Variants in NLRC3 observed in about 807,000 individuals in gnomAD.
NLRC3 encodes the protein NLR family CARD domain-containing protein 3.
In NLRC3, 87 loss-of-function variants were observed where a neutral mutation model predicts 91.6. The observed-to-expected ratio is 0.95, with a 90% CI of 0.80 to 1.14. The LOEUF is 1.14. NLRC3 is among the 50% of genes most tolerant of loss of function. The probability of loss-of-function intolerance (pLI) is 0.00; values close to 1 mark genes in which losing one functional copy is unlikely to be tolerated. For synonymous variants in NLRC3, 694 were observed against 625.3 expected (o/e 1.11, Z -1.64); for missense variants, 1,577 against 1,418.6 (o/e 1.11, Z -1.79).
At chr16:3,569,397 A>ATATTTTTTTTTT (rs2040013749) in intron 1 of NLRC3, among the ~76,000 whole-genome samples, 1 of 41,046 alleles carries the variant, frequency 2.4e-5, no homozygotes, top group African/African-American at 1.2e-4. Flanking sequence ...TATATATATT[A>ATATTTTTTTTTT]TTTTTTTTTT....
chr16:3,543,922 G>A, intron 16 of NLRC3: 1 of 353,880 alleles, frequency 2.8e-6, no homozygotes. Flanking sequence ...GGGAGGCTGA[G>A]GTGGGCAGAT....
In NLRC3 at chr16:3,563,789, C is replaced by T; in HGVS notation, c.1148G>A (p.Ser383Asn). The part of the protein sequence containing the change: ...SGEGQEKGKA[S>N]PRIEQVAHGG... ...ATGGGCCACCTGCTCGATGCGAGGG[C>T]TTGCCTTGCCCTTCTCCTGCCCCTC... Residue 383 changes from serine (S) to asparagine (N), a missense_variant, in exon 5 of 20, where the codon AGC becomes AAC. Ser to Asn is a conservative substitution (Grantham distance 46). Coordinates refer to ENST00000359128, the MANE Select transcript of NLRC3 (RefSeq NM_178844.4). 12 of 1,612,238 alleles carry T rather than the reference C, an allele frequency of 7.4e-6. No individual in the cohort carries two copies. Among genetic ancestry groups the T allele is most frequent in the Non-Finnish European group, 8.5e-6 (10 of 1,179,088 alleles).
intron 2 of NLRC3, 89 bp from the exon 3 acceptor site, chr16:3,565,469 CAAAAAAAAAAAAA>C (rs57860901): frequency 2.4e-3 from 106 of 44,836 alleles, no homozygotes; most frequent in South Asian, 0.021. Context: ...TGGGAAAAAG[CAAAAAAAAAAAAA>C]AAAAAAAAAA....
chr16:3,567,548 C>T (rs920368873), intron 1 of NLRC3, among the ~76,000 whole-genome samples: 1 of 151,738 alleles, frequency 6.6e-6, no homozygotes. Flanking sequence ...CTGAGGCAGG[C>T]GGATCACCTG....
In NLRC3 at chr16:3,557,661, C is replaced by G; in HGVS notation, c.2031G>C (p.Gln677His). Reference protein sequence around the residue: ...RIQKISLAENQISNKGAKALA... With the variant: ...RIQKISLAENHISNKGAKALA... ...GAGCTTTGGCCCCTTTGTTACTGATCTGGTTCTCCGCCAAGCTGCCCAAGG... is the reference window on the plus strand; with the variant it reads ...GAGCTTTGGCCCCTTTGTTACTGATGTGGTTCTCCGCCAAGCTGCCCAAGG... The change falls in exon 7 of 20, where the codon CAG becomes CAC. Residue 677 changes from glutamine to histidine, a missense_variant. Physicochemically the swap from Gln to His is conservative, Grantham distance 24. Coordinates refer to ENST00000359128, the MANE Select transcript of NLRC3 (RefSeq NM_178844.4). 1 of 1,613,278 alleles carries G rather than the reference C, an allele frequency of 6.2e-7. No individual in the cohort carries two copies. The highest frequency in any genetic ancestry group is 8.5e-7 in the Non-Finnish European group (1 of 1,179,424).
chr16:3,559,702 A>T (rs2039517608), intron 6 of NLRC3, among the ~76,000 whole-genome samples: 1 of 146,230 alleles, frequency 6.8e-6, no homozygotes, highest in Non-Finnish European at 1.5e-5. Flanking sequence ...GCAGTGGCGC[A>T]ATCTTGGCTC....
At chr16:3,550,608 A>C in intron 10 of NLRC3, 111 bp from the exon 11 acceptor site, 2 of 752,994 alleles carry the variant, frequency 2.7e-6, no homozygotes, top group South Asian at 1.6e-5. Flanking sequence ...CTGTTGTCTC[A>C]AGGGTGGCCA....
chr16:3,543,233 AGAG>A (rs2038501745), intron 17 of NLRC3, 189 bp downstream of exon 17: 1 of 582,692 alleles, frequency 1.7e-6, no homozygotes. Flanking sequence ...GCCAACCCGG[AGAG>A]GAGGGCAAAT....
At chr16:3,557,771 C>G in intron 6 of NLRC3, 95 bp from the exon 7 acceptor site, 1 of 773,648 alleles carries the variant, frequency 1.3e-6, no homozygotes, top group Non-Finnish European at 2.2e-6. Flanking sequence ...CTCTAGGCTC[C>G]CCCACATCAT....
intron 8 of NLRC3, among the ~76,000 whole-genome samples, chr16:3,554,586 A>G (rs985212170): frequency 2.0e-5 from 3 of 152,208 alleles, no homozygotes; most frequent in Non-Finnish European, 4.4e-5. Context: ...AAAGTCATCA[A>G]TTGCCCTCAT....
rs374929504 is a variant in NLRC3 at position 3,543,427 on chromosome 16, G to A, written c.2937C>T (p.Leu979=). ...TAGATGGAGACTGGAATACTTACTC[G>A]AGAATCTCCAAGGTTCTGTTCACAG... The part of the protein sequence containing the change: ...ALAVNRTLEI[L]DLRGNAIGVA... Residue 979 remains leucine, a splice_region_variant and synonymous_variant, in exon 17 of 20, where the codon CTC becomes CTT. Coordinates refer to ENST00000359128, the MANE Select transcript of NLRC3 (RefSeq NM_178844.4). The A allele has an allele frequency of 4.9e-5, 79 of 1,607,246 alleles. No homozygotes were observed. Among genetic ancestry groups the A allele is most frequent in the African/African-American group, 6.7e-5 (5 of 74,786 alleles).
chr16:3,556,357 G>C (rs1003356240), intron 8 of NLRC3, among the ~76,000 whole-genome samples: 9 of 101,610 alleles, frequency 8.9e-5, no homozygotes, highest in African/African-American at 3.0e-4. Context: ...AAAAAAAAGA[G>C]ACGTAACAAA....
chr16:3,566,338 C>A (rs939654933), intron 2 of NLRC3, among the ~76,000 whole-genome samples: 23 of 152,036 alleles, frequency 1.5e-4, no homozygotes, highest in Admixed American at 1.2e-3. Context: ...TGTCTGTAAG[C>A]CCAGCACTTT....
At chr16:3,567,929 G>C (rs2039948057) in intron 1 of NLRC3, among the ~76,000 whole-genome samples, 1 of 150,780 alleles carries the variant, frequency 6.6e-6, no homozygotes. Context: ...GCAATGGCGT[G>C]ATCTCAGCTC....
chr16:3,543,696 G>C (rs1383657176), intron 16 of NLRC3, 188 bp from the exon 17 acceptor site: 1 of 586,828 alleles, frequency 1.7e-6, no homozygotes, highest in Non-Finnish European at 3.1e-6. Context: ...ACAGAGATCT[G>C]GATGCTAAGG....
At chr16:3,550,550 C>T (rs1433245181) in intron 10 of NLRC3, 53 bp from the exon 11 acceptor site, 3 of 1,351,366 alleles carry the variant, frequency 2.2e-6, no homozygotes, top group Admixed American at 3.4e-5. Context: ...CCAGGCAGGG[C>T]TGGGCAGAGG....
At chr16:3,561,827 C>T (rs754046049) in intron 5 of NLRC3, 39 bp from the exon 6 acceptor site, 4 of 1,500,590 alleles carry the variant, frequency 2.7e-6, no homozygotes, top group Non-Finnish European at 3.7e-6. Context: ...GTCCCACCCG[C>T]CCACGGGCAG....
At position 3,563,800 on chromosome 16, in the gene NLRC3, C is replaced by T; in HGVS notation, c.1137G>A (p.Lys379=). ...GCTCGATGCGAGGGCTTGCCTTGCCCTTCTCCTGCCCCTCCCCGCTGAGGG... is the reference window on the plus strand; with the variant it reads ...GCTCGATGCGAGGGCTTGCCTTGCCTTTCTCCTGCCCCTCCCCGCTGAGGG... ...RMALSGEGQE[K]GKASPRIEQV... is the part of the protein sequence containing the mutation. Residue 379 remains lysine (K), a synonymous_variant, in exon 5 of 20, where the codon AAG becomes AAA. Coordinates refer to ENST00000359128, the MANE Select transcript of NLRC3 (RefSeq NM_178844.4). 6.2e-7 allele frequency: 1 copy of T among 1,611,440 alleles called. No homozygotes were observed. Among genetic ancestry groups the T allele is most frequent in the Non-Finnish European group, 8.5e-7 (1 of 1,178,602 alleles).
intron 6 of NLRC3, among the ~76,000 whole-genome samples, chr16:3,559,649 T>TA (rs2039514003): frequency 6.6e-6 from 1 of 151,216 alleles, no homozygotes; most frequent in Non-Finnish European, 1.5e-5. Flanking sequence ...TTTTCTTTTT[T>TA]TTTTTTTGAG....
Sources: allele counts gnomAD v4.1 joint callset (sites outside exome capture counted in the v4.1 genomes callset), GRCh38; gene constraint gnomAD v4.1.1; transcripts MANE v1.5; gene names NCBI Gene and HGNC (gene_info 2026-07-23, HGNC 2026-07-21).